Variants in PLCB4 observed in about 807,000 individuals in gnomAD.
PLCB4 encodes 1-phosphatidylinositol 4,5-bisphosphate phosphodiesterase beta-4.
Under a neutral mutation model 178.8 loss-of-function variants are expected in PLCB4, and 77 were observed. That is an observed-to-expected ratio of 0.43 (90% CI 0.36 to 0.52). The LOEUF (loss-of-function observed/expected upper bound fraction) is 0.52. PLCB4 is among the 20% of genes least tolerant of loss of function. PLCB4 has a pLI of 0.00. For missense variants in PLCB4, 1,024 were observed against 1,453.4 expected, an observed-to-expected ratio of 0.70 and a Z score of 4.80; for synonymous variants, 496 against 490.8, an observed-to-expected ratio of 1.01 and a Z score of -0.14.
chr20:9,311,608 C>T (rs2094835067), intron 4 of PLCB4, among the ~76,000 whole-genome samples: 1 of 152,048 alleles, frequency 6.6e-6, no homozygotes, highest in Non-Finnish European at 1.5e-5. Context: ...TCTTAACTGT[C>T]AAACATTTTC....
At chr20:9,398,116 C>T (rs770279978) in intron 19 of PLCB4, among the ~76,000 whole-genome samples, 16 of 152,312 alleles carry the variant, frequency 1.1e-4, no homozygotes, top group Non-Finnish European at 1.5e-4. Context: ...GATGGAACAT[C>T]TAAGAGCCAG....
chr20:9,341,334 A>G (rs2033171912), intron 7 of PLCB4, among the ~76,000 whole-genome samples: 1 of 152,166 alleles, frequency 6.6e-6, no homozygotes, highest in Admixed American at 6.6e-5. Context: ...GACTCCCCCA[A>G]AACTTAATAG....
At chr20:9,353,948 A>G (rs1478471467) in intron 7 of PLCB4, among the ~76,000 whole-genome samples, 2 of 152,224 alleles carry the variant, frequency 1.3e-5, no homozygotes, top group Non-Finnish European at 2.9e-5. Flanking sequence ...GTACTGAATC[A>G]TCTGGTAAGA....
At chr20:9,102,657 C>T (rs1053661120) in intron 2 of PLCB4, among the ~76,000 whole-genome samples, 10 of 152,198 alleles carry the variant, frequency 6.6e-5, no homozygotes, top group Middle Eastern at 6.8e-3. Context: ...GCTTAATAAA[C>T]AGAAATAACT....
At chr20:9,439,548 G>A (rs1431361087) in intron 30 of PLCB4, among the ~76,000 whole-genome samples, 1 of 152,184 alleles carries the variant, frequency 6.6e-6, no homozygotes, top group Non-Finnish European at 1.5e-5. Flanking sequence ...TCTCTGCTGA[G>A]AAACGTAGAG....
intron 7 of PLCB4, among the ~76,000 whole-genome samples, chr20:9,362,546 A>C (rs1369248881): frequency 2.6e-5 from 4 of 152,248 alleles, no homozygotes; most frequent in African/African-American, 9.6e-5. Context: ...TGTATTTTAT[A>C]ATGCTGGTTG....
At chr20:9,087,716 C>T (rs117219403) in intron 1 of PLCB4, among the ~76,000 whole-genome samples, 51 of 152,326 alleles carry the variant, frequency 3.3e-4, no homozygotes, top group Non-Finnish European at 6.2e-4. Flanking sequence ...GGCTATTGCA[C>T]GTAGCAGGTG....
intron 7 of PLCB4, among the ~76,000 whole-genome samples, chr20:9,347,442 A>T (rs2033917727): frequency 1.3e-5 from 2 of 152,170 alleles, no homozygotes; most frequent in Admixed American, 6.6e-5. Flanking sequence ...ATGTAGCATT[A>T]ACACACTTGC....
intron 32 of PLCB4, among the ~76,000 whole-genome samples, chr20:9,447,477 G>C (rs2042484273): frequency 6.6e-6 from 1 of 152,176 alleles, no homozygotes; most frequent in Non-Finnish European, 1.5e-5. Flanking sequence ...GAGAGACCAA[G>C]CAGATCAAGC....
intron 3 of PLCB4, among the ~76,000 whole-genome samples, chr20:9,278,032 A>G (rs1005869460): frequency 3.9e-5 from 6 of 152,012 alleles, no homozygotes; most frequent in Non-Finnish European, 7.4e-5. Context: ...TAAATCTCAC[A>G]AGCCACCCAG....
chr20:9,377,468 C>G (rs796183549), intron 12 of PLCB4, among the ~76,000 whole-genome samples: 4 of 152,306 alleles, frequency 2.6e-5, no homozygotes, highest in African/African-American at 9.6e-5. Flanking sequence ...TTTTCTGACT[C>G]TAATGCAAAT....
chr20:9,203,803 T>TTTC (rs1386787436), intron 2 of PLCB4, among the ~76,000 whole-genome samples: 30 of 137,420 alleles, frequency 2.2e-4, no homozygotes, highest in African/African-American at 6.5e-4. Flanking sequence ...TTTTTTTTTT[T>TTTC]CCCATTTCTT....
At chr20:9,397,492 G>A (rs1037439709) in intron 19 of PLCB4, among the ~76,000 whole-genome samples, 3 of 152,140 alleles carry the variant, frequency 2.0e-5, no homozygotes, top group African/African-American at 7.2e-5. Context: ...AACATCAGAA[G>A]CTTTTCAGTT....
At chr20:9,170,667 A>C (rs1240676323) in intron 2 of PLCB4, among the ~76,000 whole-genome samples, 1 of 152,208 alleles carries the variant, frequency 6.6e-6, no homozygotes, top group Non-Finnish European at 1.5e-5. Context: ...CCTTGTAATA[A>C]TGATAATTCA....
chr20:9,468,752 C>T, intron 36 of PLCB4, 80 bp downstream of exon 36: 1 of 760,802 alleles, frequency 1.3e-6, no homozygotes, highest in Non-Finnish European at 2.3e-6. Context: ...TGTGTACACA[C>T]ACACACAACT....
intron 3 of PLCB4, among the ~76,000 whole-genome samples, chr20:9,257,651 A>G (rs554697175): frequency 8.5e-5 from 13 of 152,320 alleles, no homozygotes; most frequent in Non-Finnish European, 1.6e-4. Flanking sequence ...ATGGGTACAA[A>G]TGAAGAAGCC....
At chr20:9,410,994 G>A (rs1335964315) in intron 24 of PLCB4, 43 bp from the exon 25 acceptor site, 2 of 1,484,638 alleles carry the variant, frequency 1.3e-6, no homozygotes, top group African/African-American at 1.4e-5. Flanking sequence ...GGTCTTTTTT[G>A]TCTAGGAAGA....
chr20:9,387,187 C>T (rs1170145605), intron 14 of PLCB4, among the ~76,000 whole-genome samples: 1 of 151,982 alleles, frequency 6.6e-6, no homozygotes, highest in Non-Finnish European at 1.5e-5. Context: ...TCCTTTATTG[C>T]GTTTTGTCAC....
intron 3 of PLCB4, among the ~76,000 whole-genome samples, chr20:9,291,780 A>T (rs1453923139): frequency 3.3e-5 from 5 of 152,190 alleles, no homozygotes; most frequent in African/African-American, 1.2e-4. Context: ...CTTTCAGATC[A>T]TGGGGCAGTA....
Sources: allele counts gnomAD v4.1 joint callset (sites outside exome capture counted in the v4.1 genomes callset), GRCh38; gene constraint gnomAD v4.1.1; transcripts MANE v1.5; gene names NCBI Gene and HGNC (gene_info 2026-07-23, HGNC 2026-07-21).